Variants in SHOX2 observed in about 807,000 individuals in gnomAD.
SHOX2 encodes the protein short stature homeobox protein 2.
A neutral mutation model predicts 31.3 loss-of-function variants in SHOX2; 13 were observed. That is an observed-to-expected ratio of 0.42 (90% CI 0.27 to 0.66). The LOEUF is 0.66. Among genes scored for constraint, SHOX2 ranks in the 30% least tolerant of loss-of-function variants. SHOX2 has a pLI of 0.27. For synonymous variants in SHOX2, 244 were observed against 196.2 expected, an observed-to-expected ratio of 1.24 and a Z score of -2.04; for missense variants, 473 against 443.0, an observed-to-expected ratio of 1.07 and a Z score of -0.61.
In SHOX2 at chr3:158,098,019, C is replaced by G; in HGVS notation, c.*8G>C. The G allele has an allele frequency of 2.5e-6, 4 of 1,581,122 alleles. No homozygotes were observed. Among genetic ancestry groups the G allele is most frequent in the Non-Finnish European group, 2.6e-6 (3 of 1,161,604 alleles). On this transcript the variant is annotated 3_prime_UTR_variant, in exon 5 of 5. Transcript: ENST00000483851. ...GGGACAGGCGCGACATTGGTGCTGG[C>G]GTTGGCGTCACAGACCCAGGGCTGC...
Position 158,097,915 on chromosome 3 carries a change from G to C in SHOX2, c.*112C>G, listed in dbSNP as rs1317416724. 2.9e-6 allele frequency: 4 copies of C among 1,359,044 alleles called. No individual in the cohort carries two copies. The highest frequency in any genetic ancestry group is 1.4e-5 in the South Asian group (1 of 71,708). The allele number at this position is 1,359,044 out of a possible 1,614,324, so 84.2% of individuals were successfully genotyped here. ...GGACGAGGGATGGTCAGTGAGGCGG[G>C]AAGAGGGCCGGCTCCCGAGGTCTCA... is the stretch of plus-strand genomic sequence containing the variant. On this transcript the variant is annotated 3_prime_UTR_variant, in exon 5 of 5. Transcript: ENST00000483851.
chr3:158,103,220 C>T, intron 1 of SHOX2: 1 of 399,960 alleles, frequency 2.5e-6, no homozygotes, highest in South Asian at 2.2e-5. Context: ...AAATGGTTTC[C>T]ACTCACTTTC....
chr3:158,098,602 T>C (rs950810393), intron 4 of SHOX2, among the ~76,000 whole-genome samples: 7 of 152,174 alleles, frequency 4.6e-5, no homozygotes, highest in Admixed American at 2.0e-4. Flanking sequence ...AAATGGTATA[T>C]TGGAAAGACT....
chr3:158,100,559 T>G (rs6774911), intron 2 of SHOX2, among the ~76,000 whole-genome samples: 135,538 of 152,246 alleles, frequency 0.89, 60,490 homozygotes, highest in East Asian at 1. Context: ...ATTTCATCTT[T>G]TCACATAACA....
intron 4 of SHOX2, among the ~76,000 whole-genome samples, chr3:158,098,518 G>A (rs1205227313): frequency 6.6e-6 from 1 of 152,158 alleles, no homozygotes; most frequent in East Asian, 1.9e-4. Context: ...ACTCGCTTAG[G>A]GTAGGCTTAT....
chr3:158,097,858 A>C lies in SHOX2; in HGVS notation c.*169T>G. 1 of 850,196 alleles carries C rather than the reference A, an allele frequency of 1.2e-6. No individual in the cohort carries two copies. Among genetic ancestry groups the C allele is most frequent in the Non-Finnish European group, 1.8e-6 (1 of 543,472 alleles). The allele number at this position is 850,196 out of a possible 1,614,324, so 52.7% of individuals were successfully genotyped here. The stretch of plus-strand genomic sequence containing the variant: ...TCGTGAGATCCCTGGTCCTGCGTGG[A>C]GTCTGGCTTTCCGAGTCCAAGATGC... On this transcript the variant is annotated 3_prime_UTR_variant, in exon 5 of 5. Transcript: ENST00000483851.
Position 158,098,057 on chromosome 3 carries a change from G to T in SHOX2, c.930C>A (p.Ala310=). The change falls in exon 5 of 5, where the codon GCC becomes GCA. Residue 310 remains alanine (A), a synonymous_variant. Transcript: ENST00000483851. ...GACCCAGGGCTGCGGCGTGCTTTTT[G>T]GCTTTCAGTCTGAGATCGGCGATGC... ...NSSIADLRLK[A]KKHAAALGL The T allele has an allele frequency of 6.2e-7, 1 of 1,608,528 alleles. No homozygotes were observed.
chr3:158,104,511 T>C (rs76253641), intron 1 of SHOX2, among the ~76,000 whole-genome samples: 2,106 of 152,350 alleles, frequency 0.014, 49 homozygotes, highest in African/African-American at 0.048. Context: ...GCCAATTTAA[T>C]AGCAAAGTAT....
At chr3:158,104,654 G>T (rs1713738326) in intron 1 of SHOX2, among the ~76,000 whole-genome samples, 1 of 152,208 alleles carries the variant, frequency 6.6e-6, no homozygotes, top group Admixed American at 6.5e-5. Flanking sequence ...GCTTCGAGGA[G>T]ATGTCCAAAT....
rs933448317 is a variant in SHOX2, at chr3:158,097,186, T to C, written c.*841A>G. On this transcript the variant is annotated 3_prime_UTR_variant, in exon 5 of 5. Coordinates refer to ENST00000483851, the MANE Select transcript of SHOX2 (RefSeq NM_001163678.2). Reference sequence around the variant, plus strand: ...TTTTTGTGTTAATATTATTTTTCTCTCTCCTCGTTTTAATATTTTCTCTTT... The same window carrying C: ...TTTTTGTGTTAATATTATTTTTCTCCCTCCTCGTTTTAATATTTTCTCTTT... 43 of 152,244 alleles carry C rather than the reference T, an allele frequency of 2.8e-4. No homozygotes were observed. The highest frequency in any genetic ancestry group is 9.4e-4 in the African/African-American group (39 of 41,396). The allele number at this position is 152,244 out of a possible 1,614,324, so 9.4% of individuals were successfully genotyped here. A position where few individuals can be genotyped will look rare whatever the true frequency, so the allele number is the denominator to read the frequency against.
intron 1 of SHOX2, chr3:158,105,379 G>A (rs1380148466): frequency 6.8e-6 from 4 of 590,940 alleles, no homozygotes; most frequent in Admixed American, 3.0e-5. Context: ...CGGGCTGCGG[G>A]CCCATCCTCC....
In SHOX2 at chr3:158,106,326, AGGGAAAT is replaced by A. The variant is rs1195581251; in HGVS notation, c.-309_-303del. 2.3e-6 allele frequency: 1 copy of A among 430,028 alleles called. No individual in the cohort carries two copies. The highest frequency in any genetic ancestry group is 4.2e-6 in the Non-Finnish European group (1 of 240,650). 26.6% of individuals were successfully genotyped at this position (430,028 alleles called of 1,614,324 possible). ...GAAGAGAAGGGGCGGGGGCTGCCGGAGGGAAATGGGAACTGATGCTTCCCTGCCGGAG... is the reference window on the plus strand; with the variant it reads ...GAAGAGAAGGGGCGGGGGCTGCCGGAGGGAACTGATGCTTCCCTGCCGGAG... On this transcript the variant is annotated 5_prime_UTR_variant, in exon 1 of 5. Coordinates refer to ENST00000483851, the MANE Select transcript of SHOX2 (RefSeq NM_001163678.2).
In SHOX2 at chr3:158,098,202, T is replaced by C; in HGVS notation, c.785A>G (p.Tyr262Cys). The change falls in exon 5 of 5, where the codon TAC (tyrosine) becomes TGC (cysteine). Residue 262 changes from tyrosine to cysteine, a missense_variant. Physicochemically the swap from Tyr to Cys is radical, Grantham distance 194. This residue lies in a region of SHOX2 where 182 missense variants were observed against 167.2 expected (regional missense o/e 1.09). Transcript: ENST00000483851. Reference protein sequence around the residue: ...LHPHLAAHAPYMMFPAPPFGL... With the variant: ...LHPHLAAHAPCMMFPAPPFGL... ...GAAGGGCGGTGCTGGGAACATCATG[T>C]AGGGCGCGTGCGCGGCCAGGTGCGG... is the stretch of plus-strand genomic sequence containing the variant. 2.5e-6 allele frequency: 4 copies of C among 1,613,866 alleles called. No homozygotes were observed. Among genetic ancestry groups the C allele is most frequent in the South Asian group, 2.2e-5 (2 of 91,056 alleles).
chr3:158,099,838 C>T (rs766815709), intron 4 of SHOX2, 22 bp downstream of exon 4: 1 of 1,584,634 alleles, frequency 6.3e-7, no homozygotes, highest in Non-Finnish European at 8.7e-7. Flanking sequence ...TTAAAAACAG[C>T]TTGAAACTAG....
Position 158,096,334 on chromosome 3 carries a change from G to A in SHOX2, c.*1693C>T, listed in dbSNP as rs554502728. 8.7e-5 allele frequency: 13 copies of A among 148,904 alleles called. No individual in the cohort carries two copies. The highest frequency in any genetic ancestry group is 3.0e-4 in the African/African-American group (12 of 40,358). The allele number at this position is 148,904 out of a possible 1,614,324, so 9.2% of individuals were successfully genotyped here. ...ACCCCACAAACTTAGGCTTGCTAGC[G>A]AATTGGGATACAGACTGGCTTAGTC... On this transcript the variant is annotated 3_prime_UTR_variant, in exon 5 of 5. Transcript: ENST00000483851.
Position 158,102,667 on chromosome 3 carries a change from C to T in SHOX2, c.555+11G>A, listed in dbSNP as rs1713574859. The T allele has an allele frequency of 6.2e-7, 1 of 1,613,676 alleles. No homozygotes were observed. On this transcript the variant is annotated intron_variant, in intron 2 of 4. Coordinates refer to ENST00000483851, the MANE Select transcript of SHOX2 (RefSeq NM_001163678.2). ...GCTCCCTGGGCCCTCGACCTCCTGGCAGCTGGGTACCTGCACTCGGGCCTC... is the reference window on the plus strand; with the variant it reads ...GCTCCCTGGGCCCTCGACCTCCTGGTAGCTGGGTACCTGCACTCGGGCCTC...
In SHOX2 at chr3:158,099,851, T is replaced by C; in HGVS notation, c.702+9A>G. Reference sequence around the variant, plus strand: ...ATTTAAAAACAGCTTGAAACTAGGCTGTACTTGCCTGCTGAAATGGCATCC... The same window carrying C: ...ATTTAAAAACAGCTTGAAACTAGGCCGTACTTGCCTGCTGAAATGGCATCC... On this transcript the variant is annotated intron_variant, in intron 4 of 4. Transcript: ENST00000483851. The C allele has an allele frequency of 1.2e-6, 2 of 1,606,534 alleles. No homozygotes were observed. The highest frequency in any genetic ancestry group is 1.7e-6 in the Non-Finnish European group (2 of 1,173,282).
In SHOX2 at chr3:158,105,973, C is replaced by T; in HGVS notation, c.52G>A (p.Glu18Lys). ...CGGTACGTGATCGCCTCCTTCTTCTCCTTCACTTTCTGGTCAAAAGACTTG... is the reference window on the plus strand; with the variant it reads ...CGGTACGTGATCGCCTCCTTCTTCTTCTTCACTTTCTGGTCAAAAGACTTG... Reference protein sequence around the residue: ...VSKSFDQKVKEKKEAITYREV... With the variant: ...VSKSFDQKVKKKKEAITYREV... The change falls in exon 1 of 5, where the codon GAG becomes AAG. Residue 18 changes from glutamate (E) to lysine (K), a missense_variant. Coordinates refer to ENST00000483851, the MANE Select transcript of SHOX2 (RefSeq NM_001163678.2). 1 of 1,613,134 alleles carries T rather than the reference C, an allele frequency of 6.2e-7. No homozygotes were observed. Among genetic ancestry groups the T allele is most frequent in the East Asian group, 2.2e-5 (1 of 44,820 alleles).
intron 4 of SHOX2, 151 bp downstream of exon 4, chr3:158,099,709 A>T: frequency 1.6e-6 from 1 of 641,482 alleles, no homozygotes; most frequent in Non-Finnish European, 2.7e-6. Context: ...AGGTTTTTAA[A>T]GGGTAGTGGG....
Sources: allele counts gnomAD v4.1 joint callset (sites outside exome capture counted in the v4.1 genomes callset), GRCh38; gene constraint gnomAD v4.1.1; regional missense constraint gnomAD v4.1.1; transcripts MANE v1.5; gene names NCBI Gene and HGNC (gene_info 2026-07-23, HGNC 2026-07-21).